STEAP1B: variants seen among roughly 807,000 people sequenced by gnomAD.
STEAP1B encodes the protein STEAP family member 1B, also known as STEAP family protein MGC87042.
In STEAP1B, 13 loss-of-function variants were observed where a neutral mutation model predicts 27.9. The ratio of observed to expected loss-of-function variants is 0.47; its 90% CI spans 0.30 to 0.74. The LOEUF (loss-of-function observed/expected upper bound fraction) is 0.74, where lower values mean the gene tolerates loss of function less well. Ranked by LOEUF, STEAP1B falls within the 30% of genes least tolerant of loss-of-function variation. STEAP1B has a pLI of 0.06. For synonymous variants in STEAP1B, 86 were observed against 107.1 expected, an observed-to-expected ratio of 0.80 and a Z score of 1.22; for missense variants, 250 against 298.7, an observed-to-expected ratio of 0.84 and a Z score of 1.20.
At chr7:22,439,905 A>T (rs1370093956) in intron 4 of STEAP1B, among the ~76,000 whole-genome samples, 2 of 152,202 alleles carry the variant, frequency 1.3e-5, no homozygotes, top group Non-Finnish European at 2.9e-5. Flanking sequence ...CATCAACAAT[A>T]ACAATAGAAA....
intron 2 of STEAP1B, among the ~76,000 whole-genome samples, chr7:22,494,532 C>A (rs377042969): frequency 1.3e-5 from 2 of 151,804 alleles, no homozygotes; most frequent in African/African-American, 4.8e-5. Context: ...AAACTAAGAC[C>A]CCAGATTTTC....
chr7:22,422,544 A>C (rs1408881308), intron 4 of STEAP1B, among the ~76,000 whole-genome samples: 1 of 149,958 alleles, frequency 6.7e-6, no homozygotes, highest in African/African-American at 2.5e-5. Flanking sequence ...CCCAGGCTGG[A>C]GTGCAATGGC....
intron 4 of STEAP1B, among the ~76,000 whole-genome samples, chr7:22,444,880 G>A (rs1194721484): frequency 3.9e-5 from 6 of 152,150 alleles, no homozygotes; most frequent in East Asian, 1.9e-4. Flanking sequence ...ATTCTATTTC[G>A]TGAGTTTGGA....
chr7:22,449,979 A>G (rs35137379), intron 4 of STEAP1B, among the ~76,000 whole-genome samples: 16,789 of 152,136 alleles, frequency 0.11, 1,183 homozygotes, highest in East Asian at 0.31. Flanking sequence ...TGCCCATTTG[A>G]AAATTGGATT....
intron 4 of STEAP1B, among the ~76,000 whole-genome samples, chr7:22,489,455 C>T (rs1050927225): frequency 2.0e-5 from 3 of 152,158 alleles, no homozygotes; most frequent in Non-Finnish European, 4.4e-5. Context: ...AAGTCATAAG[C>T]CCAAGTACCT....
chr7:22,468,397 G>T (rs1393804229), intron 4 of STEAP1B, among the ~76,000 whole-genome samples: 2 of 152,120 alleles, frequency 1.3e-5, no homozygotes, highest in Non-Finnish European at 2.9e-5. Flanking sequence ...TCAGTACCAA[G>T]TACTGACAAA....
chr7:22,423,888 G>T (rs1337944729), intron 4 of STEAP1B, among the ~76,000 whole-genome samples: 2 of 152,138 alleles, frequency 1.3e-5, no homozygotes, highest in Non-Finnish European at 2.9e-5. Flanking sequence ...AATTAGCTGG[G>T]TGTGGTGGCA....
chr7:22,467,493 C>A (rs1162602760), intron 4 of STEAP1B, among the ~76,000 whole-genome samples: 1 of 152,176 alleles, frequency 6.6e-6, no homozygotes, highest in Non-Finnish European at 1.5e-5. Flanking sequence ...TATGTCCCCA[C>A]CCAAATCTCA....
chr7:22,489,894 T>A (rs996141956), intron 4 of STEAP1B, among the ~76,000 whole-genome samples: 1 of 152,236 alleles, frequency 6.6e-6, no homozygotes, highest in Non-Finnish European at 1.5e-5. Context: ...TATCCGTATA[T>A]CTGGGTTATT....
chr7:22,493,730 G>A lies in STEAP1B; in HGVS notation c.191C>T (p.Ala64Val). The change falls in exon 3 of 5, where the codon GCA becomes GTA. Residue 64 changes from alanine to valine, a missense_variant. Coordinates refer to ENST00000678116, the MANE Select transcript of STEAP1B (RefSeq NM_001382447.1). The part of the protein sequence containing the change: ...EFDCPSELQH[A>V]QELFPQWHLP... ...GTGCCACTGTGGAAAGAGTTCCTGT[G>A]CGTGCTGAAGTTCTGAAGGGCAGTC... 6.2e-7 allele frequency: 1 copy of A among 1,613,962 alleles called. No individual in the cohort carries two copies. The highest frequency in any genetic ancestry group is 8.5e-7 in the Non-Finnish European group (1 of 1,179,862).
At chr7:22,420,683 G>C (rs1785033423) in intron 4 of STEAP1B, among the ~76,000 whole-genome samples, 1 of 152,216 alleles carries the variant, frequency 6.6e-6, no homozygotes, top group Non-Finnish European at 1.5e-5. Flanking sequence ...CTGGATCCTT[G>C]AGGACTTGAG....
intron 4 of STEAP1B, among the ~76,000 whole-genome samples, chr7:22,453,408 C>CT (rs111957983): frequency 0.99 from 150,996 of 152,282 alleles, 74,883 homozygotes; most frequent in South Asian, 1. Context: ...CTACAGAGAC[C>CT]CCTTTGCAGT....
chr7:22,469,647 T>C (rs183620842), intron 4 of STEAP1B, among the ~76,000 whole-genome samples: 3 of 152,220 alleles, frequency 2.0e-5, no homozygotes, highest in Non-Finnish European at 2.9e-5. Context: ...CAGTATTCAA[T>C]AGAGTAGCAT....
intron 4 of STEAP1B, among the ~76,000 whole-genome samples, chr7:22,484,269 C>G (rs958934814): frequency 3.0e-4 from 45 of 152,308 alleles, no homozygotes; most frequent in African/African-American, 1.1e-3. Context: ...AAAGGACAGG[C>G]TGATTCTTGT....
At chr7:22,429,130 GCACTGAA>G (rs1196676839) in intron 4 of STEAP1B, among the ~76,000 whole-genome samples, 3 of 152,082 alleles carry the variant, frequency 2.0e-5, no homozygotes, top group Non-Finnish European at 4.4e-5. Flanking sequence ...ATTATCCAGG[GCACTGAA>G]GGTGCATATA....
chr7:22,427,942 T>C (rs1785129615), intron 4 of STEAP1B, among the ~76,000 whole-genome samples: 1 of 152,214 alleles, frequency 6.6e-6, no homozygotes, highest in South Asian at 2.1e-4. Context: ...GGGAGGCAAA[T>C]TCTGACACTT....
chr7:22,486,569 T>C (rs1309312521), intron 4 of STEAP1B, among the ~76,000 whole-genome samples: 1 of 152,016 alleles, frequency 6.6e-6, no homozygotes, highest in Non-Finnish European at 1.5e-5. Context: ...AGTCTACAGC[T>C]TGATTCTTCC....
chr7:22,462,293 C>T (rs1274752988), intron 4 of STEAP1B, among the ~76,000 whole-genome samples: 1 of 149,884 alleles, frequency 6.7e-6, no homozygotes, highest in Non-Finnish European at 1.5e-5. Context: ...AGGTTAGTTA[C>T]ATATGTATAC....
chr7:22,425,601 TAAAGTA>T (rs1198060918), intron 4 of STEAP1B, among the ~76,000 whole-genome samples: 2 of 152,214 alleles, frequency 1.3e-5, no homozygotes, highest in Admixed American at 6.5e-5. Flanking sequence ...CCATTTTGCT[TAAAGTA>T]CAGACTGTTT....
Sources: gnomAD v4.1 joint callset for allele counts (sites outside exome capture counted in the v4.1 genomes callset) on GRCh38, gnomAD v4.1.1 for gene constraint, MANE v1.5 for transcripts, NCBI Gene and HGNC (gene_info 2026-07-23, HGNC 2026-07-21) for gene names.